The following TCF7L2 variants were observed in gnomAD, a reference collection of about 807,000 sequenced individuals.
TCF7L2 encodes the protein transcription factor 7 like 2.
In TCF7L2, 23 loss-of-function variants were observed where a neutral mutation model predicts 77.9. The observed-to-expected ratio is 0.30, with a 90% CI of 0.21 to 0.42. The LOEUF is 0.42. Ranked by LOEUF, TCF7L2 falls within the 10% of genes least tolerant of loss-of-function variation. TCF7L2 has a pLI of 1.00. For missense variants in TCF7L2, 654 were observed against 793.1 expected (o/e 0.82, Z 2.11); for synonymous variants, 413 against 340.2 (o/e 1.21, Z -2.36).
chr10:113,124,894 C>T (rs760074097), intron 5 of TCF7L2, among the ~76,000 whole-genome samples: 1 of 152,090 alleles, frequency 6.6e-6, no homozygotes, highest in Non-Finnish European at 1.5e-5. Flanking sequence ...AGCGGGCACT[C>T]TTTCCGAATG....
chr10:113,162,805 T>C (rs2073380061), intron 13 of TCF7L2, among the ~76,000 whole-genome samples: 2 of 152,164 alleles, frequency 1.3e-5, no homozygotes, highest in Admixed American at 1.3e-4. Context: ...CAAAACAGGA[T>C]CAGGAAGAAC....
chr10:112,953,675 G>A (rs372687547), intron 3 of TCF7L2, among the ~76,000 whole-genome samples: 79 of 152,266 alleles, frequency 5.2e-4, no homozygotes, highest in African/African-American at 1.8e-3. Flanking sequence ...TCTCAAACTT[G>A]AGCAGTTGTG....
chr10:112,957,362 C>T (rs1036929388), intron 3 of TCF7L2, among the ~76,000 whole-genome samples: 4 of 151,436 alleles, frequency 2.6e-5, no homozygotes, highest in Admixed American at 1.3e-4. Context: ...AACTAGTTAA[C>T]GTGAGAGTTT....
chr10:112,950,575 C>A lies in TCF7L2; in HGVS notation c.-182C>A. The A allele has an allele frequency of 1.8e-6, 1 of 544,696 alleles. No individual in the cohort carries two copies. The highest frequency in any genetic ancestry group is 3.7e-5 in the Admixed American group (1 of 27,238). The allele number at this position is 544,696 out of a possible 1,614,324, so 33.7% of individuals were successfully genotyped here. On this transcript the variant is annotated 5_prime_UTR_variant, in exon 1 of 14. Coordinates refer to ENST00000627217, the MANE Select transcript of TCF7L2 (RefSeq NM_001146274.2). ...GAAGATCTCCCCCCCCTTCCCCTCC[C>A]CTCCTCCCTCTTTTCCCCTCCCCAG...
intron 4 of TCF7L2, among the ~76,000 whole-genome samples, chr10:112,969,137 G>T (rs140848892): frequency 2.7e-4 from 41 of 152,060 alleles, no homozygotes; most frequent in Non-Finnish European, 5.4e-4. Context: ...CAGTTATTTG[G>T]CTTCTTCCTC....
chr10:113,015,180 C>T (rs988065951), intron 4 of TCF7L2, among the ~76,000 whole-genome samples: 12 of 152,192 alleles, frequency 7.9e-5, no homozygotes, highest in Non-Finnish European at 1.8e-4. Context: ...AACAAGATTC[C>T]GTTTCAAGAA....
intron 5 of TCF7L2, among the ~76,000 whole-genome samples, chr10:113,072,257 G>A (rs575668809): frequency 2.0e-5 from 3 of 151,730 alleles, no homozygotes; most frequent in East Asian, 1.9e-4. Flanking sequence ...GGGTTTCACC[G>A]TGTTAGCCAG....
chr10:113,155,184 G>A (rs779252842), intron 11 of TCF7L2, among the ~76,000 whole-genome samples: 19 of 152,244 alleles, frequency 1.2e-4, no homozygotes, highest in Middle Eastern at 3.4e-3. Context: ...AAACAGTCAC[G>A]TTTGGATTGT....
intron 5 of TCF7L2, among the ~76,000 whole-genome samples, chr10:113,045,740 C>G (rs1451340416): frequency 6.6e-6 from 1 of 152,188 alleles, no homozygotes; most frequent in Non-Finnish European, 1.5e-5. Flanking sequence ...TCTGGATTAT[C>G]TCCACTTTCT....
intron 4 of TCF7L2, among the ~76,000 whole-genome samples, chr10:112,984,986 A>G (rs552067243): frequency 6.6e-6 from 1 of 152,312 alleles, no homozygotes; most frequent in African/African-American, 2.4e-5. Flanking sequence ...GTGTCCGTTT[A>G]TTGCCTGTGG....
At chr10:113,075,729 T>A (rs889778575) in intron 5 of TCF7L2, among the ~76,000 whole-genome samples, 4 of 152,144 alleles carry the variant, frequency 2.6e-5, no homozygotes, top group Admixed American at 2.6e-4. Context: ...GCAGCATGGG[T>A]TTAGATCCTA....
chr10:113,087,912 G>C (rs561268187), intron 5 of TCF7L2, among the ~76,000 whole-genome samples: 1 of 152,280 alleles, frequency 6.6e-6, no homozygotes, highest in East Asian at 1.9e-4. Flanking sequence ...TAAAGATGTG[G>C]CTGCTGTTGT....
At chr10:113,018,973 C>G (rs1181744668) in intron 4 of TCF7L2, among the ~76,000 whole-genome samples, 1 of 152,156 alleles carries the variant, frequency 6.6e-6, no homozygotes, top group Non-Finnish European at 1.5e-5. Context: ...GGTGGAAACC[C>G]AAGCAGCGTC....
At chr10:113,102,097 G>A in intron 5 of TCF7L2, among the ~76,000 whole-genome samples, 1 of 112,268 alleles carries the variant, frequency 8.9e-6, no homozygotes. Context: ...CTGGGTGACA[G>A]AGCGTGACTC....
At chr10:113,016,256 T>G (rs2047327550) in intron 4 of TCF7L2, among the ~76,000 whole-genome samples, 1 of 151,974 alleles carries the variant, frequency 6.6e-6, no homozygotes, top group Non-Finnish European at 1.5e-5. Flanking sequence ...TAGTAGAGAT[T>G]GGGTTTTGCC....
intron 5 of TCF7L2, among the ~76,000 whole-genome samples, chr10:113,101,265 T>C (rs1192831354): frequency 6.6e-6 from 1 of 152,196 alleles, no homozygotes; most frequent in African/African-American, 2.4e-5. Context: ...TCTCATAAGA[T>C]AGCTGGGCAC....
chr10:113,133,868 G>A (rs1365128177), intron 5 of TCF7L2, among the ~76,000 whole-genome samples: 1 of 152,190 alleles, frequency 6.6e-6, no homozygotes, highest in Admixed American at 6.5e-5. Flanking sequence ...GAGGCTCTCA[G>A]GGATTGGAGA....
rs61736939 is a variant in TCF7L2 at position 113,071,513 on chromosome 10, G to A, written c.552+31387G>A. Reference sequence around the variant, plus strand: ...ATTTCAGGAAACCCCTCCTTTTCTCGTCTTTATTCTCACCCCGTCCCCCCG... The same window carrying A: ...ATTTCAGGAAACCCCTCCTTTTCTCATCTTTATTCTCACCCCGTCCCCCCG... On this transcript the variant is annotated intron_variant, in intron 5 of 13. Transcript: ENST00000627217. Among the ~76,000 whole-genome samples, 482 of 152,166 alleles carry A rather than the reference G, an allele frequency of 3.2e-3. 1 individual carries two copies. Among genetic ancestry groups the A allele is most frequent in the African/African-American group, 0.01 (430 of 41,538 alleles).
chr10:113,084,913 A>ACC (rs2059678712), intron 5 of TCF7L2, among the ~76,000 whole-genome samples: 2 of 150,606 alleles, frequency 1.3e-5, no homozygotes, highest in African/African-American at 4.9e-5. Context: ...CCCCCCCCAA[A>ACC]AAAAAAAAAC....
Sources: allele counts gnomAD v4.1 joint callset (sites outside exome capture counted in the v4.1 genomes callset), GRCh38; gene constraint gnomAD v4.1.1; transcripts MANE v1.5; gene names NCBI Gene and HGNC (gene_info 2026-07-23, HGNC 2026-07-21).